Variants in TRIM2 observed in about 807,000 individuals in gnomAD.
TRIM2 encodes the protein tripartite motif containing 2, also known as tripartite motif-containing protein 2.
TRIM2 carries 20 observed loss-of-function variants against 75.2 expected under a neutral mutation model. The observed-to-expected ratio is 0.27, with a 90% CI of 0.19 to 0.39. TRIM2 has a LOEUF of 0.39. Among genes scored for constraint, TRIM2 ranks in the 10% least tolerant of loss-of-function variants. The pLI is 1.00. For missense variants in TRIM2, 660 were observed against 990.8 expected (o/e 0.67, Z 4.48); for synonymous variants, 373 against 388.3 (o/e 0.96, Z 0.46).
chr4:153,273,270 C>CTTTTTTTTTTTTTTTTTTTTT lies in TRIM2; in HGVS notation c.216-2620_216-2600dup, dbSNP rs72414117. Among the ~76,000 whole-genome samples, 51 of 57,386 alleles carry CTTTTTTTTTTTTTTTTTTTTT rather than the reference C, an allele frequency of 8.9e-4. 7 individuals carry two copies. The highest frequency in any genetic ancestry group is 1.2e-3 in the Non-Finnish European group (36 of 31,292). 37.6% of individuals were successfully genotyped at this position (57,386 alleles called of 152,430 possible). On this transcript the variant is annotated intron_variant, in intron 2 of 11. Coordinates refer to ENST00000338700, the MANE Select transcript of TRIM2 (RefSeq NM_015271.5). ...ACTCAGTGAGCACCTTACAGTCACT[C>CTTTTTTTTTTTTTTTTTTTTT]TTTTTTTTTTTTTTTTTTTTTTTGA...
At chr4:153,158,479 AAAT>A (rs1268141110) in intron 1 of TRIM2, among the ~76,000 whole-genome samples, 1 of 152,242 alleles carries the variant, frequency 6.6e-6, no homozygotes, top group Admixed American at 6.5e-5. Flanking sequence ...TGGGCAACAA[AAAT>A]GCAGGAAACT....
At chr4:153,232,799 T>C (rs1415556529) in intron 1 of TRIM2, among the ~76,000 whole-genome samples, 3 of 152,240 alleles carry the variant, frequency 2.0e-5, no homozygotes, top group Non-Finnish European at 4.4e-5. Context: ...CCTTTGTACC[T>C]GACTTAGGGG....
Position 153,295,612 on chromosome 4 carries a change from G to A in TRIM2, c.1086G>A (p.Leu362=), listed in dbSNP as rs746949607. ...AGACAGTGGCCACGGGCGAGGGGCT[G>A]CGGCAGACCATCATCGGGCAGCCCA... is the stretch of plus-strand genomic sequence containing the variant. The part of the protein sequence containing the change: ...ASETVATGEG[L]RQTIIGQPMS... The change falls in exon 6 of 12, where the codon CTG becomes CTA. Residue 362 remains leucine, a synonymous_variant. Coordinates refer to ENST00000338700, the MANE Select transcript of TRIM2 (RefSeq NM_015271.5). This position sits in a 1 kb window ranked among gnomAD's most constrained non-coding sequence, Gnocchi z 7.2. The A allele has an allele frequency of 4.6e-5, 74 of 1,613,926 alleles. 1 individual carries two copies. The highest frequency in any genetic ancestry group is 3.6e-4 in the South Asian group (33 of 91,066).
chr4:153,318,493 A>G (rs1768190733), intron 8 of TRIM2, among the ~76,000 whole-genome samples: 1 of 152,152 alleles, frequency 6.6e-6, no homozygotes, highest in Non-Finnish European at 1.5e-5. Context: ...GACCACATAT[A>G]TATAAAAATC....
chr4:153,257,737 G>T (rs757830470), intron 1 of TRIM2: 1 of 596,630 alleles, frequency 1.7e-6, no homozygotes, highest in Non-Finnish European at 2.8e-6. Context: ...TCTTTGCCTC[G>T]TTGGTTAGTC....
intron 1 of TRIM2, among the ~76,000 whole-genome samples, chr4:153,206,600 T>A (rs1735505375): frequency 6.6e-6 from 1 of 152,088 alleles, no homozygotes; most frequent in Non-Finnish European, 1.5e-5. Flanking sequence ...CCTTTGGGTT[T>A]TTATGGAGGC....
intron 1 of TRIM2, among the ~76,000 whole-genome samples, chr4:153,205,491 T>C (rs1228982762): frequency 6.6e-6 from 1 of 152,110 alleles, no homozygotes; most frequent in Non-Finnish European, 1.5e-5. Context: ...TGGGAGTTGC[T>C]TTAGAAAGTC....
At chr4:153,182,028 G>A (rs1029335675) in intron 1 of TRIM2, among the ~76,000 whole-genome samples, 5 of 152,140 alleles carry the variant, frequency 3.3e-5, no homozygotes, top group Admixed American at 1.3e-4. Context: ...CATATTTTAA[G>A]GGAACAAGAT....
At chr4:153,179,033 T>A (rs1246292721) in intron 1 of TRIM2, among the ~76,000 whole-genome samples, 3 of 151,998 alleles carry the variant, frequency 2.0e-5, no homozygotes, top group Non-Finnish European at 4.4e-5. Context: ...CTACAAAAAA[T>A]TTAAAAATTA....
chr4:153,160,012 A>G (rs1286478993), intron 1 of TRIM2, among the ~76,000 whole-genome samples: 2 of 152,194 alleles, frequency 1.3e-5, no homozygotes, highest in African/African-American at 4.8e-5. Flanking sequence ...CAACTTTGCT[A>G]TGCTTTTGGT....
chr4:153,188,043 G>A (rs1732786589), intron 1 of TRIM2, among the ~76,000 whole-genome samples: 1 of 152,210 alleles, frequency 6.6e-6, no homozygotes, highest in African/African-American at 2.4e-5. Context: ...GAAAGAAGCA[G>A]CCAAGCTTTC....
At chr4:153,232,616 T>TGGAA (rs1743945648) in intron 1 of TRIM2, among the ~76,000 whole-genome samples, 1 of 149,006 alleles carries the variant, frequency 6.7e-6, no homozygotes, top group South Asian at 2.1e-4. Flanking sequence ...CAGAATATGC[T>TGGAA]GGAAGGAAGG....
chr4:153,322,506 T>C (rs999709894), intron 8 of TRIM2, 142 bp from the exon 9 acceptor site: 2 of 778,890 alleles, frequency 2.6e-6, no homozygotes, highest in East Asian at 2.9e-5. Context: ...AAGACAGAAG[T>C]TCATTGTGAT....
intron 1 of TRIM2, among the ~76,000 whole-genome samples, chr4:153,268,429 G>A (rs11934452): frequency 0.23 from 34,262 of 152,054 alleles, 4,317 homozygotes; most frequent in South Asian, 0.34. Context: ...ACCTATGCCC[G>A]GGAATGAACA....
intron 1 of TRIM2, among the ~76,000 whole-genome samples, chr4:153,243,973 C>T (rs1747413941): frequency 1.3e-5 from 2 of 151,538 alleles, no homozygotes; most frequent in Admixed American, 6.6e-5. Context: ...CATGCGCCAT[C>T]ACTTCCTGCT....
chr4:153,332,416 G>T (rs1056991329), intron 11 of TRIM2, among the ~76,000 whole-genome samples: 1 of 152,146 alleles, frequency 6.6e-6, no homozygotes, highest in African/African-American at 2.4e-5. Flanking sequence ...AGGCCAAGGC[G>T]GGTGGATGAC....
At chr4:153,276,847 T>A (rs566708089) in intron 3 of TRIM2, among the ~76,000 whole-genome samples, 1 of 152,194 alleles carries the variant, frequency 6.6e-6, no homozygotes, top group African/African-American at 2.4e-5. Context: ...TCTTTATCAG[T>A]TAAAAAAAAG....
chr4:153,337,001 G>A lies in TRIM2; in HGVS notation c.*2035G>A. On this transcript the variant is annotated 3_prime_UTR_variant, in exon 12 of 12. Transcript: ENST00000338700. ...TTACTGAGTACCTACTAGGTACCAA[G>A]TACTCTTTTAGGCACTGGAAATACA... 1 of 981,762 alleles carries A rather than the reference G, an allele frequency of 1.0e-6. No individual in the cohort carries two copies. The highest frequency in any genetic ancestry group is 1.2e-6 in the Non-Finnish European group (1 of 826,672). The allele number at this position is 981,762 out of a possible 1,614,324, so 60.8% of individuals were successfully genotyped here. A position where few individuals can be genotyped will look rare whatever the true frequency, so the allele number is the denominator to read the frequency against.
At chr4:153,210,058 A>ATTTTTTTTTTT (rs761134144) in intron 1 of TRIM2, among the ~76,000 whole-genome samples, 2 of 107,026 alleles carry the variant, frequency 1.9e-5, no homozygotes, top group African/African-American at 4.0e-5. Flanking sequence ...GGGTGATTTA[A>ATTTTTTTTTTT]TTTTTTTTTT....
Sources: gnomAD v4.1 joint callset for allele counts (sites outside exome capture counted in the v4.1 genomes callset) on GRCh38, gnomAD v4.1.1 for gene constraint, Gnocchi (gnomAD v3.1) non-coding constraint, MANE v1.5 for transcripts, NCBI Gene and HGNC (gene_info 2026-07-23, HGNC 2026-07-21) for gene names.